Variants in LRATD1 observed in about 807,000 individuals in gnomAD.
LRATD1 encodes the protein LRAT domain containing 1.
Under a neutral mutation model 21.3 loss-of-function variants are expected in LRATD1, and 8 were observed. The ratio of observed to expected loss-of-function variants is 0.38; its 90% CI spans 0.22 to 0.68. LRATD1 has a LOEUF of 0.68. LRATD1 is among the 30% of genes least tolerant of loss of function. The probability of loss-of-function intolerance (pLI) is 0.54; values close to 1 mark genes in which losing one functional copy is unlikely to be tolerated. For missense variants in LRATD1, 380 were observed against 404.0 expected (o/e 0.94, Z 0.51); for synonymous variants, 210 against 186.2 (o/e 1.13, Z -1.04).
chr2:14,646,605 T>C (rs1014430017), intron 4 of LRATD1: 5 of 152,194 alleles, frequency 3.3e-5, no homozygotes, highest in African/African-American at 1.2e-4. Flanking sequence ...AAGTTAAATA[T>C]TCTGGATAAA....
At chr2:14,643,794 G>A (rs1051074318), downstream of LRATD1, among the ~76,000 whole-genome samples, 16 of 152,096 alleles carry the variant, frequency 1.1e-4, no homozygotes, top group African/African-American at 2.9e-4. Flanking sequence ...TGATCATGCC[G>A]TCCATTTAAT....
downstream of LRATD1, among the ~76,000 whole-genome samples, chr2:14,643,183 T>C (rs770042925): frequency 2.0e-5 from 3 of 152,192 alleles, no homozygotes; most frequent in Admixed American, 6.5e-5. Context: ...CTCACTATTC[T>C]GATTTCAGAA....
rs1347868252 is a variant in LRATD1 at position 14,637,808 on chromosome 2, G to C, written c.*2950G>C. The C allele has an allele frequency of 6.0e-6, 1 of 167,046 alleles. No individual in the cohort carries two copies. The highest frequency in any genetic ancestry group is 2.1e-4 in the South Asian group (1 of 4,832). 10.3% of individuals were successfully genotyped at this position (167,046 alleles called of 1,614,324 possible). On this transcript the variant is annotated 3_prime_UTR_variant, in exon 2 of 2. Transcript: ENST00000295092. ...CGTGGGCACACTTGATTTTTATTAT[G>C]AGTGAATGTAATCTTTCTGTATTTT...
chr2:14,647,371 C>T (rs572372279), intron 4 of LRATD1, among the ~76,000 whole-genome samples: 10 of 152,166 alleles, frequency 6.6e-5, no homozygotes, highest in African/African-American at 2.2e-4. Context: ...TCAAACACTT[C>T]TTGATAAAAG....
In LRATD1 at chr2:14,634,687, G is replaced by A. The variant is rs1472177737; in HGVS notation, c.708G>A (p.Thr236=). 106 of 1,544,710 alleles carry A rather than the reference G, an allele frequency of 6.9e-5. No homozygotes were observed. Among genetic ancestry groups the A allele is most frequent in the Non-Finnish European group, 9.2e-5 (105 of 1,144,524 alleles). ...FKAGGEVPAG[T]QPPQQQYYLK... ...CGGGAGGGGAGGTGCCGGCAGGCAC[G>A]CAGCCCCCGCAGCAGCAGTACTATC... The change falls in exon 2 of 2, where the codon ACG becomes ACA. Residue 236 remains threonine (T), a synonymous_variant. Coordinates refer to ENST00000295092, the MANE Select transcript of LRATD1 (RefSeq NM_145175.4).
chr2:14,635,146 A>T lies in LRATD1; in HGVS notation c.*288A>T, dbSNP rs1363740167. ...GCGTGCGCTTTCCCCTTGAGATGTAAACCGGGAACGGGGAAGGGGCTGAGG... is the reference window on the plus strand; with the variant it reads ...GCGTGCGCTTTCCCCTTGAGATGTATACCGGGAACGGGGAAGGGGCTGAGG... On this transcript the variant is annotated 3_prime_UTR_variant, in exon 2 of 2. Coordinates refer to ENST00000295092, the MANE Select transcript of LRATD1 (RefSeq NM_145175.4). The T allele has an allele frequency of 2.9e-6, 2 of 679,460 alleles. No homozygotes were observed. The highest frequency in any genetic ancestry group is 5.5e-6 in the Non-Finnish European group (2 of 361,260). The allele number at this position is 679,460 out of a possible 1,614,324, so 42.1% of individuals were successfully genotyped here.
chr2:14,633,524 T>G lies in LRATD1; in HGVS notation c.-36-420T>G. 1 of 169,466 alleles carries G rather than the reference T, an allele frequency of 5.9e-6. No individual in the cohort carries two copies. Among genetic ancestry groups the G allele is most frequent in the Admixed American group, 5.7e-5 (1 of 17,464 alleles). 10.5% of individuals were successfully genotyped at this position (169,466 alleles called of 1,614,324 possible). On this transcript the variant is annotated intron_variant, in intron 1 of 1. Coordinates refer to ENST00000295092, the MANE Select transcript of LRATD1 (RefSeq NM_145175.4). The surrounding 1 kb of genome is among the most constrained non-coding windows in gnomAD (Gnocchi z 7.5). ...AAACTGGGAGGTGGGCTGGAGAGGG[T>G]GGGGACAGAAATGGGAGCTTGCTCC...
At chr2:14,649,694 G>T (rs1229205735), downstream of LRATD1, 2 of 211,420 alleles carry the variant, frequency 9.5e-6, no homozygotes, top group Non-Finnish European at 2.0e-5. Context: ...TCCATCCTAT[G>T]CCCAGGAGGC....
intron 4 of LRATD1, among the ~76,000 whole-genome samples, chr2:14,648,353 C>T (rs947625196): frequency 5.3e-5 from 8 of 151,956 alleles, no homozygotes; most frequent in African/African-American, 9.7e-5. Flanking sequence ...ACATTTGCCA[C>T]GATAGAAATA....
Position 14,633,768 on chromosome 2 carries a change from C to T in LRATD1, c.-36-176C>T, listed in dbSNP as rs1184383980. ...TCTGCTCTCGCCTGACCTGTGGCGG[C>T]TTCTCCGCCCCTCGTACCCCTGGGG... On this transcript the variant is annotated intron_variant, in intron 1 of 1. Transcript: ENST00000295092. The surrounding 1 kb of genome is among the most constrained non-coding windows in gnomAD (Gnocchi z 7.5). The T allele has an allele frequency of 3.2e-6, 2 of 634,238 alleles. No homozygotes were observed. The highest frequency in any genetic ancestry group is 5.4e-6 in the Non-Finnish European group (2 of 370,924). 39.3% of individuals were successfully genotyped at this position (634,238 alleles called of 1,614,324 possible).
chr2:14,633,935 C>G lies in LRATD1; in HGVS notation c.-36-9C>G, dbSNP rs1031433703. ...CTGACGGTGTCTCTGCCTCTCTGTGCCTCCGCAGATCCCCGCTCCTGGCCC... is the reference window on the plus strand; with the variant it reads ...CTGACGGTGTCTCTGCCTCTCTGTGGCTCCGCAGATCCCCGCTCCTGGCCC... On this transcript the variant is annotated splice_polypyrimidine_tract_variant and intron_variant, in intron 1 of 1. Coordinates refer to ENST00000295092, the MANE Select transcript of LRATD1 (RefSeq NM_145175.4). The surrounding 1 kb of genome is among the most constrained non-coding windows in gnomAD (Gnocchi z 7.5). 7 of 1,578,920 alleles carry G rather than the reference C, an allele frequency of 4.4e-6. No homozygotes were observed. The highest frequency in any genetic ancestry group is 6.0e-6 in the Non-Finnish European group (7 of 1,159,312).
In LRATD1 at chr2:14,634,528, C is replaced by G. The variant is rs964808029; in HGVS notation, c.549C>G (p.Arg183=). Residue 183 remains arginine, a synonymous_variant, in exon 2 of 2, where the codon CGC becomes CGG. Coordinates refer to ENST00000295092, the MANE Select transcript of LRATD1 (RefSeq NM_145175.4). The stretch of plus-strand genomic sequence containing the variant: ...GCCGGGTGGTGAATAGCTGGTACCG[C>G]TACCGCCCGCTGGTGGCCGAGCTGG... ...NVGRVVNSWY[R]YRPLVAELVV... 2 of 1,499,776 alleles carry G rather than the reference C, an allele frequency of 1.3e-6. No homozygotes were observed. Among genetic ancestry groups the G allele is most frequent in the Non-Finnish European group, 8.9e-7 (1 of 1,125,298 alleles). 92.9% of individuals were successfully genotyped at this position (1,499,776 alleles called of 1,614,324 possible).
rs749747903 is a variant in LRATD1 at position 14,634,591 on chromosome 2, CGAG to C, written c.616_618del (p.Glu206del). On this transcript the variant is annotated inframe_deletion, in exon 2 of 2. Coordinates refer to ENST00000295092, the MANE Select transcript of LRATD1 (RefSeq NM_145175.4). ...CCTGCGGCCACCTGGGCCTCAAGAG[CGAG>C]GAGATCTGCTGGACGAACTCGGAGA... is the stretch of plus-strand genomic sequence containing the variant. The C allele has an allele frequency of 7.3e-6, 11 of 1,501,814 alleles. No homozygotes were observed. In the Admixed American group the frequency reaches 9.2e-5, roughly 13 times the overall value. The allele number at this position is 1,501,814 out of a possible 1,614,324, so 93.0% of individuals were successfully genotyped here.
At position 14,635,261 on chromosome 2, in the gene LRATD1, C is replaced by G. The variant is rs1431928001; in HGVS notation, c.*403C>G. The G allele has an allele frequency of 2.0e-6, 1 of 508,054 alleles. No individual in the cohort carries two copies. Among genetic ancestry groups the G allele is most frequent in the South Asian group, 1.5e-5 (1 of 64,882 alleles). The allele number at this position is 508,054 out of a possible 1,614,324, so 31.5% of individuals were successfully genotyped here. On this transcript the variant is annotated 3_prime_UTR_variant, in exon 2 of 2. Coordinates refer to ENST00000295092, the MANE Select transcript of LRATD1 (RefSeq NM_145175.4). ...CCCTCTTCTCAAAAGGGACCATCAC[C>G]GCCCCGAGCGTGCGCACACAGACCG...
rs975403971 is a variant in LRATD1 at position 14,648,627 on chromosome 2, A to C, written n.437-689A>C. Among the ~76,000 whole-genome samples the C allele has an allele frequency of 2.6e-5, 4 of 152,336 alleles. No individual in the cohort carries two copies. The East Asian group carries it at 7.7e-4, about 29-fold the overall frequency. ...TCAAACCCCTGTAAACACTTGTATAAGAATTAGAGGAGAAAAGCCAAAATG... is the reference window on the plus strand; with the variant it reads ...TCAAACCCCTGTAAACACTTGTATACGAATTAGAGGAGAAAAGCCAAAATG... On this transcript the variant is annotated intron_variant and non_coding_transcript_variant, in intron 4 of 5. Transcript: ENST00000464947.
rs1363490816 is a variant in LRATD1 at position 14,635,311 on chromosome 2, C to T, written c.*453C>T. On this transcript the variant is annotated 3_prime_UTR_variant, in exon 2 of 2. Transcript: ENST00000295092. The stretch of plus-strand genomic sequence containing the variant: ...GGTCGGAGGCGAGAACTGGTCTCTA[C>T]AGGGCACAGTTCAGCTCCTCTGTGG... 2.1e-6 allele frequency: 1 copy of T among 484,240 alleles called. No individual in the cohort carries two copies. The highest frequency in any genetic ancestry group is 4.2e-6 in the Non-Finnish European group (1 of 236,368). 30.0% of individuals were successfully genotyped at this position (484,240 alleles called of 1,614,324 possible).
At chr2:14,645,384 G>A (rs1214433786) in intron 2 of LRATD1, among the ~76,000 whole-genome samples, 2 of 152,166 alleles carry the variant, frequency 1.3e-5, no homozygotes, top group East Asian at 1.9e-4. Context: ...CTTCTGGACT[G>A]CAATTCCTTA....
rs1046391147 is a variant in LRATD1 at position 14,634,421 on chromosome 2, G to A, written c.442G>A (p.Val148Met). 1.3e-6 allele frequency: 2 copies of A among 1,525,018 alleles called. No homozygotes were observed. The highest frequency in any genetic ancestry group is 1.8e-6 in the Non-Finnish European group (2 of 1,140,260). The allele number at this position is 1,525,018 out of a possible 1,614,324, so 94.5% of individuals were successfully genotyped here. Residue 148 changes from valine (V) to methionine (M), a missense_variant, in exon 2 of 2, where the codon GTG (valine) becomes ATG (methionine). Physicochemically the swap from Val to Met is conservative, Grantham distance 21. Transcript: ENST00000295092. ...PAPAPHWAVY[V>M]GGGQIIHLHQ... ...GCCCGCCCCGCACTGGGCCGTCTAC[G>A]TGGGCGGCGGGCAGATCATCCACCT...
At chr2:14,643,468 A>G (rs1671839566), downstream of LRATD1, among the ~76,000 whole-genome samples, 1 of 152,174 alleles carries the variant, frequency 6.6e-6, no homozygotes, top group South Asian at 2.1e-4. Context: ...CCAGCCTCTG[A>G]AGCTTCATCC....
Sources: allele counts gnomAD v4.1 joint callset (sites outside exome capture counted in the v4.1 genomes callset), GRCh38; gene constraint gnomAD v4.1.1; non-coding constraint Gnocchi (gnomAD v3.1); transcripts MANE v1.5; gene names NCBI Gene and HGNC (gene_info 2026-07-23, HGNC 2026-07-21).